UACA: variants seen among roughly 807,000 people sequenced by gnomAD.
The protein encoded by UACA is uveal autoantigen with coiled-coil domains and ankyrin repeats.
In UACA, 112 loss-of-function variants were observed where a neutral mutation model predicts 160.5. That is an observed-to-expected ratio of 0.70 (90% CI 0.60 to 0.82). The LOEUF (loss-of-function observed/expected upper bound fraction) is 0.82, where lower values mean the gene tolerates loss of function less well. UACA is among the 40% of genes least tolerant of loss of function. The pLI is 0.00. For missense variants in UACA, 1,574 were observed against 1,614.6 expected (o/e 0.97, Z 0.43); for synonymous variants, 557 against 568.4 (o/e 0.98, Z 0.29).
chr15:70,704,453 G>T (rs1464475123), intron 1 of UACA, among the ~76,000 whole-genome samples: 1 of 152,052 alleles, frequency 6.6e-6, no homozygotes, highest in Non-Finnish European at 1.5e-5. Context: ...ATCCCACACC[G>T]CAAGTCTTTC....
At chr15:70,693,545 CATT>C (rs934672685) in intron 3 of UACA, among the ~76,000 whole-genome samples, 1 of 151,988 alleles carries the variant, frequency 6.6e-6, no homozygotes, top group African/African-American at 2.4e-5. Flanking sequence ...TAGGGACAAA[CATT>C]ATAAAACATA....
chr15:70,751,528 A>T (rs1356083627), intron 1 of UACA, among the ~76,000 whole-genome samples: 1 of 152,238 alleles, frequency 6.6e-6, no homozygotes, highest in East Asian at 1.9e-4. Context: ...TATGCCTTGT[A>T]TCATTTAATG....
intron 1 of UACA, among the ~76,000 whole-genome samples, chr15:70,748,273 C>G (rs922906662): frequency 1.3e-5 from 2 of 152,274 alleles, no homozygotes; most frequent in African/African-American, 4.8e-5. Flanking sequence ...AAAGTATTTA[C>G]TTAGCAGCAG....
intron 1 of UACA, among the ~76,000 whole-genome samples, chr15:70,721,425 A>T (rs551642375): frequency 5.4e-4 from 82 of 152,278 alleles, no homozygotes; most frequent in African/African-American, 1.7e-3. Context: ...GGAGATCGAG[A>T]CCATCCTGGC....
intron 7 of UACA, among the ~76,000 whole-genome samples, chr15:70,685,782 T>C (rs1897690780): frequency 6.6e-6 from 1 of 152,044 alleles, no homozygotes. Context: ...TAAAATTAAA[T>C]TTAACTTTTT....
At chr15:70,720,282 C>T (rs1378647267) in intron 1 of UACA, among the ~76,000 whole-genome samples, 1 of 152,178 alleles carries the variant, frequency 6.6e-6, no homozygotes. Flanking sequence ...TTATAAATTA[C>T]CCATTCTCTG....
At chr15:70,688,640 G>A (rs1368294006) in intron 5 of UACA, among the ~76,000 whole-genome samples, 1 of 152,032 alleles carries the variant, frequency 6.6e-6, no homozygotes, top group Non-Finnish European at 1.5e-5. Context: ...TTCAGGAACT[G>A]TAAAATTAGC....
chr15:70,771,086 G>T, the UACA span, among the ~76,000 whole-genome samples: 1 of 152,270 alleles, frequency 6.6e-6, no homozygotes, highest in South Asian at 2.1e-4. Flanking sequence ...GTAGCTGTGC[G>T]GTCTATGCCA....
rs367548392 is a variant in UACA at position 70,707,998 on chromosome 15, A to G, written c.79-8338T>C. Among the ~76,000 whole-genome samples the G allele has an allele frequency of 8.5e-5, 13 of 152,366 alleles. No homozygotes were observed. In the East Asian group the frequency reaches 1.7e-3, roughly 20 times the overall value. ...CATATTCATAGTAGCATTATTTATA[A>G]TAGCCAAGAAGTGGAAATAATCCAA... is the stretch of plus-strand genomic sequence containing the variant. On this transcript the variant is annotated intron_variant, in intron 1 of 18. Transcript: ENST00000322954.
intron 13 of UACA, among the ~76,000 whole-genome samples, chr15:70,674,979 TTTGA>T (rs1416341521): frequency 2.0e-5 from 3 of 152,240 alleles, no homozygotes; most frequent in Non-Finnish European, 4.4e-5. Context: ...TATATTATAC[TTTGA>T]TTAATACTTA....
intron 1 of UACA, among the ~76,000 whole-genome samples, chr15:70,737,137 A>G (rs140164342): frequency 2.0e-5 from 3 of 152,362 alleles, no homozygotes; most frequent in East Asian, 1.9e-4. Context: ...TTCTGAGCTG[A>G]TAACTTAATT....
chr15:70,717,318 A>C lies in UACA; in HGVS notation c.79-17658T>G, dbSNP rs963778325. Among the ~76,000 whole-genome samples the C allele has an allele frequency of 3.3e-5, 5 of 152,360 alleles. 1 individual carries two copies. The South Asian group carries it at 8.3e-4, about 25-fold the overall frequency. ...AACACTAAACTAGGCATGGACCATA[A>C]CAGAGCAAGAACCATAAGAGCCTTC... On this transcript the variant is annotated intron_variant, in intron 1 of 18. Coordinates refer to ENST00000322954, the MANE Select transcript of UACA (RefSeq NM_018003.4).
intron 1 of UACA, among the ~76,000 whole-genome samples, chr15:70,747,381 T>C (rs1364767079): frequency 6.6e-6 from 1 of 151,770 alleles, no homozygotes; most frequent in Non-Finnish European, 1.5e-5. Flanking sequence ...TTAGGGGTTA[T>C]TTTTGGGAGA....
At position 70,750,950 on chromosome 15, in the gene UACA, G is replaced by A. The variant is rs776616680; in HGVS notation, c.78+12380C>T. On this transcript the variant is annotated intron_variant, in intron 1 of 18. Transcript: ENST00000322954. ...AGTGATGAAAATGTTTTGGAAGTACGTAGAGATGGTGGTTATACAACAATG... is the reference window on the plus strand; with the variant it reads ...AGTGATGAAAATGTTTTGGAAGTACATAGAGATGGTGGTTATACAACAATG... Among the ~76,000 whole-genome samples the A allele has an allele frequency of 5.3e-5, 8 of 152,302 alleles. No individual in the cohort carries two copies. The East Asian group carries it at 5.8e-4, about 11-fold the overall frequency.
Position 70,682,813 on chromosome 15 carries a change from A to G in UACA, c.785-18T>C. 1 of 1,552,844 alleles carries G rather than the reference A, an allele frequency of 6.4e-7. No individual in the cohort carries two copies. Among genetic ancestry groups the G allele is most frequent in the Non-Finnish European group, 8.7e-7 (1 of 1,151,800 alleles). ...TTCTCTCCCTAAGATTTAGAGAAAA[A>G]GAGAAACAACAAAATGGCAGGTTAA... On this transcript the variant is annotated intron_variant, in intron 8 of 18. Transcript: ENST00000322954.
At chr15:70,727,800 T>C (rs1238127793) in intron 1 of UACA, among the ~76,000 whole-genome samples, 1 of 152,236 alleles carries the variant, frequency 6.6e-6, no homozygotes, top group Non-Finnish European at 1.5e-5. Context: ...TTCAAACCTT[T>C]CTAATTTTAA....
At chr15:70,709,908 C>T (rs942396775) in intron 1 of UACA, among the ~76,000 whole-genome samples, 2 of 152,042 alleles carry the variant, frequency 1.3e-5, no homozygotes, top group African/African-American at 4.8e-5. Flanking sequence ...TGCTTAAAGC[C>T]AAGAGGAGTC....
intron 11 of UACA, 49 bp from the exon 12 acceptor site, chr15:70,677,189 T>G: frequency 2.1e-6 from 3 of 1,415,926 alleles, no homozygotes; most frequent in Non-Finnish European, 2.0e-6. Flanking sequence ...AAGCCTATTT[T>G]AAAAGGCATG....
At chr15:70,698,133 A>G (rs1273662817) in intron 2 of UACA, among the ~76,000 whole-genome samples, 2 of 152,202 alleles carry the variant, frequency 1.3e-5, no homozygotes, top group African/African-American at 4.8e-5. Flanking sequence ...TTCAAAAACT[A>G]AAGTTCACAG....
Sources: allele counts gnomAD v4.1 joint callset (sites outside exome capture counted in the v4.1 genomes callset), GRCh38; gene constraint gnomAD v4.1.1; transcripts MANE v1.5; gene names NCBI Gene and HGNC (gene_info 2026-07-23, HGNC 2026-07-21).